ME3: variants seen among roughly 807,000 people sequenced by gnomAD.
ME3 encodes the protein malic enzyme 3.
ME3 carries 48 observed loss-of-function variants against 68.9 expected under a neutral mutation model. The ratio of observed to expected loss-of-function variants is 0.70; its 90% confidence interval spans 0.55 to 0.89. ME3 has a LOEUF of 0.89. Ranked by LOEUF, ME3 falls within the 40% of genes least tolerant of loss-of-function variation. The pLI is 0.00. For synonymous variants in ME3, 320 were observed against 318.8 expected (o/e 1.00, Z -0.04); for missense variants, 675 against 797.4 (o/e 0.85, Z 1.85).
At chr11:86,557,767 G>A (rs1220413951) in intron 3 of ME3, among the ~76,000 whole-genome samples, 2 of 152,180 alleles carry the variant, frequency 1.3e-5, no homozygotes, top group African/African-American at 4.8e-5. Flanking sequence ...CTCTTACCCA[G>A]TGGCCATTTG....
At chr11:86,534,075 GTGTGTGTATA>G (rs200895680) in intron 4 of ME3, among the ~76,000 whole-genome samples, 8,420 of 38,184 alleles carry the variant, frequency 0.22, 345 homozygotes, top group South Asian at 0.39. Flanking sequence ...AGGTGTGTGT[GTGTGTGTATA>G]TATATATATA....
rs141162208 is a variant in ME3 at position 86,651,925 on chromosome 11, G to C, written c.183+19837C>G. On this transcript the variant is annotated intron_variant, in intron 2 of 14. Transcript: ENST00000543262. Reference sequence around the variant, plus strand: ...GGACCTCATGGAGCTGAAAACCATGGCACGAGAACCACATGACGAATGCAC... The same window carrying C: ...GGACCTCATGGAGCTGAAAACCATGCCACGAGAACCACATGACGAATGCAC... 3.9e-5 allele frequency among the ~76,000 whole-genome samples: 6 copies of C among 152,328 alleles called. No homozygotes were observed. In the East Asian group the frequency reaches 1.2e-3, roughly 29 times the overall value.
chr11:86,446,214 G>C, intron 13 of ME3, 100 bp downstream of exon 13: 1 of 1,374,988 alleles, frequency 7.3e-7, no homozygotes, highest in African/African-American at 1.4e-5. Context: ...TGGCAATGTT[G>C]GGGCAGATGG....
intron 2 of ME3, among the ~76,000 whole-genome samples, chr11:86,629,655 TTC>T (rs1278276409): frequency 1.3e-5 from 2 of 152,214 alleles, no homozygotes; most frequent in East Asian, 3.8e-4. Flanking sequence ...CTTGGGTATC[TTC>T]TGTGTCTTGG....
intron 2 of ME3, among the ~76,000 whole-genome samples, chr11:86,564,136 T>C (rs1957365376): frequency 6.6e-6 from 1 of 152,202 alleles, no homozygotes; most frequent in African/African-American, 2.4e-5. Context: ...CAGGGTTTTG[T>C]AGTTCTCCTT....
chr11:86,547,264 A>T (rs1341397627), intron 4 of ME3, among the ~76,000 whole-genome samples: 1 of 151,582 alleles, frequency 6.6e-6, no homozygotes, highest in Non-Finnish European at 1.5e-5. Flanking sequence ...AAAAAAAGAA[A>T]ATGTGGCACA....
At chr11:86,641,365 G>A (rs1030905216) in intron 2 of ME3, among the ~76,000 whole-genome samples, 4 of 152,180 alleles carry the variant, frequency 2.6e-5, no homozygotes, top group African/African-American at 9.7e-5. Context: ...GGGTTGATGG[G>A]AACTGCACTT....
chr11:86,458,194 C>G (rs529245290), intron 8 of ME3, among the ~76,000 whole-genome samples: 1 of 152,200 alleles, frequency 6.6e-6, no homozygotes, highest in Non-Finnish European at 1.5e-5. Context: ...AGTGTTTGTT[C>G]TGGGCCTTCT....
At chr11:86,551,223 C>T (rs531810358) in intron 4 of ME3, among the ~76,000 whole-genome samples, 3 of 152,202 alleles carry the variant, frequency 2.0e-5, no homozygotes, top group South Asian at 4.2e-4. Context: ...TGTTCACATG[C>T]GTTTAGCCCT....
downstream of ME3, among the ~76,000 whole-genome samples, chr11:86,438,476 A>G (rs921035505): frequency 5.9e-5 from 9 of 152,122 alleles, no homozygotes; most frequent in African/African-American, 2.2e-4. Context: ...TGATATGGCA[A>G]TACTAGTATC....
chr11:86,496,362 C>T (rs1952333182), intron 6 of ME3, among the ~76,000 whole-genome samples: 1 of 151,910 alleles, frequency 6.6e-6, no homozygotes, highest in Non-Finnish European at 1.5e-5. Context: ...GCCGAGATCA[C>T]GCCACTGCAC....
intron 5 of ME3, among the ~76,000 whole-genome samples, chr11:86,508,184 T>C (rs1953225972): frequency 6.6e-6 from 1 of 152,046 alleles, no homozygotes; most frequent in African/African-American, 2.4e-5. Flanking sequence ...GTGAAGATAT[T>C]GTCCATCATA....
At chr11:86,557,004 A>G (rs768234998) in intron 3 of ME3, among the ~76,000 whole-genome samples, 22 of 152,310 alleles carry the variant, frequency 1.4e-4, no homozygotes, top group Non-Finnish European at 3.2e-4. Flanking sequence ...AAGGAGACTC[A>G]TGTAGAGAGA....
chr11:86,532,052 A>G (rs1010289711), intron 4 of ME3, among the ~76,000 whole-genome samples: 4 of 152,154 alleles, frequency 2.6e-5, no homozygotes, highest in African/African-American at 4.8e-5. Context: ...GCAAATGTAA[A>G]CCAAAGAAGA....
intron 4 of ME3, among the ~76,000 whole-genome samples, chr11:86,519,157 T>A (rs3862787): frequency 6.6e-6 from 1 of 152,210 alleles, no homozygotes; most frequent in East Asian, 1.9e-4. Context: ...GTAGTGGTGA[T>A]ATCACAATTC....
chr11:86,535,958 A>G (rs1409589895), intron 4 of ME3, among the ~76,000 whole-genome samples: 2 of 152,236 alleles, frequency 1.3e-5, no homozygotes, highest in East Asian at 1.9e-4. Flanking sequence ...TGGGTATAAA[A>G]TGATGAGCAA....
chr11:86,485,582 G>T (rs991067292), intron 7 of ME3, among the ~76,000 whole-genome samples: 1 of 151,874 alleles, frequency 6.6e-6, no homozygotes, highest in African/African-American at 2.4e-5. Context: ...CTTATTCCAC[G>T]TACTATCCAA....
intron 4 of ME3, among the ~76,000 whole-genome samples, chr11:86,522,255 A>G (rs1340475634): frequency 1.9e-5 from 2 of 105,688 alleles, no homozygotes; most frequent in Non-Finnish European, 4.1e-5. Context: ...GTCTCAAACA[A>G]ACAAACAAAC....
chr11:86,553,662 G>A (rs149048350), intron 4 of ME3, among the ~76,000 whole-genome samples: 1 of 152,326 alleles, frequency 6.6e-6, no homozygotes, highest in East Asian at 1.9e-4. Flanking sequence ...AACCAAGAGT[G>A]TGAGGGACTA....
Sources: gnomAD v4.1 joint callset for allele counts (sites outside exome capture counted in the v4.1 genomes callset) on GRCh38, gnomAD v4.1.1 for gene constraint, MANE v1.5 for transcripts, NCBI Gene and HGNC (gene_info 2026-07-23, HGNC 2026-07-21) for gene names.